The following MYH10 variants were observed in gnomAD, a reference collection of about 807,000 sequenced individuals.
MYH10 encodes myosin heavy chain 10.
MYH10 carries 55 observed loss-of-function variants against 257.8 expected under a neutral mutation model. That is an observed-to-expected ratio of 0.21 (90% CI 0.17 to 0.27). MYH10 has a LOEUF of 0.27. MYH10 is among the 10% of genes least tolerant of loss of function. MYH10 has a pLI of 1.00. For missense variants in MYH10, 1,631 were observed against 2,500.6 expected, an observed-to-expected ratio of 0.65 and a Z score of 7.42; for synonymous variants, 854 against 921.7, an observed-to-expected ratio of 0.93 and a Z score of 1.33.
At chr17:8,498,178 G>T (rs1314957854) in intron 30 of MYH10, among the ~76,000 whole-genome samples, 2 of 151,706 alleles carry the variant, frequency 1.3e-5, no homozygotes, top group African/African-American at 4.8e-5. Flanking sequence ...AAGAGACAGG[G>T]TTTCGCCATG....
intron 7 of MYH10, among the ~76,000 whole-genome samples, chr17:8,556,005 A>G (rs2082780687): frequency 6.6e-6 from 1 of 152,236 alleles, no homozygotes; most frequent in Admixed American, 6.5e-5. Flanking sequence ...CACAAAAGAT[A>G]TGTGAATGGC....
chr17:8,623,335 TTTTTC>T (rs907424878), intron 1 of MYH10, 58 bp from the exon 2 acceptor site: 3 of 1,431,492 alleles, frequency 2.1e-6, no homozygotes, highest in African/African-American at 1.4e-5. Flanking sequence ...AATGTACACG[TTTTTC>T]TTTTCTAAGA....
In MYH10 at chr17:8,511,208, T is replaced by A. The variant is rs1285231806; in HGVS notation, c.2952+1243A>T. ...TCCCATCCCCTCCAAAAAACGAAAT[T>A]AAAAAAAAAGTTAAACAAAACAAAA... On this transcript the variant is annotated intron_variant, in intron 24 of 42. Coordinates refer to ENST00000360416, the MANE Select transcript of MYH10 (RefSeq NM_001256012.3). 2.0e-5 allele frequency: 3 copies of A among 150,576 alleles called. No homozygotes were observed. In the South Asian group the frequency reaches 6.3e-4, roughly 32 times the overall value. 9.3% of individuals were successfully genotyped at this position (150,576 alleles called of 1,614,324 possible). A position where few individuals can be genotyped will look rare whatever the true frequency, so the allele number is the denominator to read the frequency against.
At chr17:8,482,623 C>G (rs1181611208) in intron 37 of MYH10, among the ~76,000 whole-genome samples, 1 of 152,152 alleles carries the variant, frequency 6.6e-6, no homozygotes, top group African/African-American at 2.4e-5. Context: ...GACCCCGGGG[C>G]CTCTAAGCCA....
intron 3 of MYH10, among the ~76,000 whole-genome samples, chr17:8,596,059 ATGAG>A (rs1485021224): frequency 6.6e-6 from 1 of 151,924 alleles, no homozygotes; most frequent in Non-Finnish European, 1.5e-5. Context: ...TAAATGGCAT[ATGAG>A]TGTATTAGGC....
At chr17:8,516,132 C>A (rs1050373541) in intron 21 of MYH10, among the ~76,000 whole-genome samples, 2 of 152,188 alleles carry the variant, frequency 1.3e-5, no homozygotes, top group Non-Finnish European at 2.9e-5. Context: ...TCTATTACAC[C>A]TGTGTGTCAG....
At chr17:8,508,485 T>C (rs979316239) in intron 26 of MYH10, 69 bp downstream of exon 26, 26 of 1,594,590 alleles carry the variant, frequency 1.6e-5, no homozygotes, top group Non-Finnish European at 2.1e-5. Flanking sequence ...TTTTTGCATG[T>C]TCTGATTACA....
At chr17:8,521,495 C>T in intron 17 of MYH10, 1 of 578,594 alleles carries the variant, frequency 1.7e-6, no homozygotes, top group South Asian at 2.2e-5. Context: ...AGTGCTTTGA[C>T]AGCTCCACAC....
intron 21 of MYH10, among the ~76,000 whole-genome samples, chr17:8,517,246 C>G (rs183462359): frequency 1.1e-3 from 166 of 152,340 alleles, no homozygotes; most frequent in Admixed American, 3.7e-3. Context: ...CCATGCTACT[C>G]TTTTTACTCT....
intron 7 of MYH10, among the ~76,000 whole-genome samples, chr17:8,558,954 A>G (rs1302676042): frequency 6.6e-6 from 1 of 152,190 alleles, no homozygotes; most frequent in Non-Finnish European, 1.5e-5. Context: ...CAGAAACATC[A>G]TACAAGATTA....
rs796652312 is a variant in MYH10 at position 8,565,772 on chromosome 17, G to A, written c.756+3948C>T. Among the ~76,000 whole-genome samples, 24 of 152,308 alleles carry A rather than the reference G, an allele frequency of 1.6e-4. 1 individual carries two copies. The highest frequency in any genetic ancestry group is 5.8e-4 in the African/African-American group (24 of 41,564). On this transcript the variant is annotated intron_variant, in intron 7 of 42. Transcript: ENST00000360416. Reference sequence around the variant, plus strand: ...GCTAATTCCTGCTTCTTTCCTGTGTGCTGCTTCCAGGTGGCTAGAAAACAA... The same window carrying A: ...GCTAATTCCTGCTTCTTTCCTGTGTACTGCTTCCAGGTGGCTAGAAAACAA...
At chr17:8,501,107 T>A in intron 28 of MYH10, 137 bp from the exon 29 acceptor site, 1 of 949,792 alleles carries the variant, frequency 1.1e-6, no homozygotes, top group Non-Finnish European at 1.5e-6. Context: ...CTATTTCCAG[T>A]AGGCTGGCAG....
chr17:8,535,600 A>C lies in MYH10; in HGVS notation c.1780-99T>G. 1.6e-6 allele frequency: 2 copies of C among 1,271,022 alleles called. No homozygotes were observed. The highest frequency in any genetic ancestry group is 2.2e-6 in the Non-Finnish European group (2 of 904,240). The allele number at this position is 1,271,022 out of a possible 1,614,324, so 78.7% of individuals were successfully genotyped here. ...CCTCAACCAGAAACTTTTATACAAC[A>C]GTCCCCAAAATGGGCTGTCTGAAAG... On this transcript the variant is annotated intron_variant, in intron 15 of 42. Coordinates refer to ENST00000360416, the MANE Select transcript of MYH10 (RefSeq NM_001256012.3). This position sits in a 1 kb window ranked among gnomAD's most constrained non-coding sequence, Gnocchi z 4.3.
chr17:8,504,920 C>A lies in MYH10; in HGVS notation c.3387-14G>T. On this transcript the variant is annotated splice_polypyrimidine_tract_variant and intron_variant, in intron 27 of 42. Coordinates refer to ENST00000360416, the MANE Select transcript of MYH10 (RefSeq NM_001256012.3). The surrounding 1 kb of genome is among the most constrained non-coding windows in gnomAD (Gnocchi z 5.6). ...TCATCATCACCTCTGTTAAAACACC[C>A]AGGCGCAAGAGGCACTCAGAGATGG... 1 of 1,612,136 alleles carries A rather than the reference C, an allele frequency of 6.2e-7. No individual in the cohort carries two copies. The highest frequency in any genetic ancestry group is 8.5e-7 in the Non-Finnish European group (1 of 1,178,284).
chr17:8,487,515 A>G lies in MYH10; in HGVS notation c.4964T>C (p.Ile1655Thr), dbSNP rs757690558. The change falls in exon 36 of 43, where the codon ATA becomes ACA. Residue 1655 changes from isoleucine (I) to threonine (T), a missense_variant. Ile to Thr is a moderately conservative substitution (Grantham distance 89). Coordinates refer to ENST00000360416, the MANE Select transcript of MYH10 (RefSeq NM_001256012.3). The stretch of plus-strand genomic sequence containing the variant: ...TTGGGCTTCGAGGTCCTTCAGGTCT[A>G]TCTCCATCTTTTTCTTTGAAGCTAC... Reference protein sequence around the residue: ...LAVASKKKMEIDLKDLEAQIE... With the variant: ...LAVASKKKMETDLKDLEAQIE... 4 of 1,614,170 alleles carry G rather than the reference A, an allele frequency of 2.5e-6. No homozygotes were observed. Among genetic ancestry groups the G allele is most frequent in the Non-Finnish European group, 2.5e-6 (3 of 1,180,024 alleles).
At chr17:8,480,770 C>T (rs1913609495) in intron 38 of MYH10, 1 of 559,728 alleles carries the variant, frequency 1.8e-6, no homozygotes, top group Admixed American at 2.9e-5. Context: ...TGGGTGGCCT[C>T]CCGCTGCCCT....
Position 8,535,684 on chromosome 17 carries a change from A to G in MYH10, c.1779+74T>C. 2.8e-6 allele frequency: 4 copies of G among 1,451,456 alleles called. No homozygotes were observed. Among genetic ancestry groups the G allele is most frequent in the Non-Finnish European group, 3.8e-6 (4 of 1,050,632 alleles). 89.9% of individuals were successfully genotyped at this position (1,451,456 alleles called of 1,614,324 possible). A position where few individuals can be genotyped will look rare whatever the true frequency, so the allele number is the denominator to read the frequency against. ...ATAAATGTTTATCAGCACCTTTGTTACACCTTCATAAAAATGTAGCAAAAT... is the reference window on the plus strand; with the variant it reads ...ATAAATGTTTATCAGCACCTTTGTTGCACCTTCATAAAAATGTAGCAAAAT... On this transcript the variant is annotated intron_variant, in intron 15 of 42. Coordinates refer to ENST00000360416, the MANE Select transcript of MYH10 (RefSeq NM_001256012.3). This position sits in a 1 kb window ranked among gnomAD's most constrained non-coding sequence, Gnocchi z 4.3.
rs78220738 is a variant in MYH10 at position 8,476,890 on chromosome 17, C to G, written c.5865G>C (p.Leu1955=). Reference sequence around the variant, plus strand: ...TGCCTGCTCACCTCAGCCGGTTCTTCAGGGTGCTGACCTCGCGGCTCAGGC... The same window carrying G: ...TGCCTGCTCACCTCAGCCGGTTCTTGAGGGTGCTGACCTCGCGGCTCAGGC... ...NEGLSREVST[L]KNRLRRGGPI... The change falls in exon 42 of 43, where the codon CTG becomes CTC. Residue 1955 remains leucine, a synonymous_variant. Transcript: ENST00000360416. The G allele has an allele frequency of 1.5e-3, 2,474 of 1,609,740 alleles. 5 individuals are homozygous for G. The highest frequency in any genetic ancestry group is 2.0e-3 in the Non-Finnish European group (2,317 of 1,179,462).
chr17:8,475,281 T>G lies in MYH10; in HGVS notation c.*523A>C, dbSNP rs1454244824. 2 of 152,930 alleles carry G rather than the reference T, an allele frequency of 1.3e-5. No homozygotes were observed. Among genetic ancestry groups the G allele is most frequent in the African/African-American group, 2.4e-5 (1 of 41,452 alleles). 9.5% of individuals were successfully genotyped at this position (152,930 alleles called of 1,614,324 possible). The stretch of plus-strand genomic sequence containing the variant: ...TTCCAAAGCCCCTTTCACAGTTTGC[T>G]CACTGAAATAGCATTGATCATTATT... On this transcript the variant is annotated 3_prime_UTR_variant, in exon 43 of 43. Coordinates refer to ENST00000360416, the MANE Select transcript of MYH10 (RefSeq NM_001256012.3).
Sources: gnomAD v4.1 joint callset for allele counts (sites outside exome capture counted in the v4.1 genomes callset) on GRCh38, gnomAD v4.1.1 for gene constraint, Gnocchi (gnomAD v3.1) non-coding constraint, MANE v1.5 for transcripts, NCBI Gene and HGNC (gene_info 2026-07-23, HGNC 2026-07-21) for gene names.